Variants in TRIM49 observed in about 807,000 individuals in gnomAD.
TRIM49 encodes tripartite motif containing 49, also known as tripartite motif-containing protein 49.
Under a neutral mutation model 27.4 loss-of-function variants are expected in TRIM49, and 5 were observed. The ratio of observed to expected loss-of-function variants is 0.18; its 90% CI spans 0.10 to 0.38. The LOEUF is 0.38. Ranked by LOEUF, TRIM49 falls within the 10% of genes least tolerant of loss-of-function variation. The pLI, the probability that TRIM49 is intolerant of heterozygous loss-of-function variation, is 1.00. For synonymous variants in TRIM49, 69 were observed against 166.0 expected, an observed-to-expected ratio of 0.42 and a Z score of 4.49; for missense variants, 188 against 487.5, an observed-to-expected ratio of 0.39 and a Z score of 5.79.
chr11:89,803,428 A>G (rs1174192031), intron 4 of TRIM49, among the ~76,000 whole-genome samples: 5 of 145,338 alleles, frequency 3.4e-5, no homozygotes, highest in African/African-American at 1.0e-4. Flanking sequence ...GAGATGGCCC[A>G]GTTTCTTGGA....
chr11:89,770,635 G>A, the TRIM49 span, among the ~76,000 whole-genome samples: 9 of 141,666 alleles, frequency 6.4e-5, no homozygotes, highest in African/African-American at 1.2e-4. Flanking sequence ...CGAGGTGGGC[G>A]GATCACGACG....
At chr11:89,770,016 A>C in the TRIM49 span, among the ~76,000 whole-genome samples, 3 of 135,294 alleles carry the variant, frequency 2.2e-5, 1 homozygote, top group Non-Finnish European at 4.5e-5. Flanking sequence ...TTCAGGGACA[A>C]GGAGAATGAG....
chr11:89,789,295 A>G, the TRIM49 span: 1 of 44,712 alleles, frequency 2.2e-5, no homozygotes, highest in South Asian at 6.8e-4. Flanking sequence ...TTTCCAAAAC[A>G]TGGGGCCTTG....
At chr11:89,791,101 A>C in the TRIM49 span, among the ~76,000 whole-genome samples, 1 of 150,816 alleles carries the variant, frequency 6.6e-6, no homozygotes, top group African/African-American at 2.5e-5. Flanking sequence ...TGATGAATGC[A>C]CAATCTTCAG....
the TRIM49 span, among the ~76,000 whole-genome samples, chr11:89,783,994 G>A: frequency 1.3e-4 from 19 of 141,708 alleles, 3 homozygotes; most frequent in Non-Finnish European, 1.9e-4. Context: ...TGGCTTTAAG[G>A]AAATCACCTG....
rs1283282011 is a variant in TRIM49, at chr11:89,803,544, A to G, written c.507+154T>C. The G allele has an allele frequency of 1.2e-5, 17 of 1,431,818 alleles. No individual in the cohort carries two copies. The South Asian group carries it at 1.8e-4, about 15-fold the overall frequency. 88.7% of individuals were successfully genotyped at this position (1,431,818 alleles called of 1,614,324 possible). ...ACCTAACAGGCATACTATTCTATAT[A>G]AAAATGAGGCCACTTTTTCTCAGTG... On this transcript the variant is annotated intron_variant, in intron 4 of 7. Coordinates refer to ENST00000329758, the MANE Select transcript of TRIM49 (RefSeq NM_020358.2).
the TRIM49 span, chr11:89,766,753 G>T: frequency 4.5e-5 from 66 of 1,465,538 alleles, 10 homozygotes; most frequent in Non-Finnish European, 5.7e-5. Flanking sequence ...TCTACATAGT[G>T]AGGAAACATT....
intron 5 of TRIM49, among the ~76,000 whole-genome samples, 171 bp from the exon 6 acceptor site, chr11:89,801,159 GT>G (rs1216411747): frequency 1.3e-5 from 2 of 150,168 alleles, no homozygotes; most frequent in African/African-American, 5.0e-5. Flanking sequence ...CAGTTGTATT[GT>G]TATTAATTAA....
At chr11:89,798,756 T>G in intron 7 of TRIM49, 127 bp from the exon 8 acceptor site, 3 of 1,293,838 alleles carry the variant, frequency 2.3e-6, no homozygotes, top group Non-Finnish European at 3.0e-6. Context: ...TAACTTCTAG[T>G]AAAGTATAGA....
intron 4 of TRIM49, among the ~76,000 whole-genome samples, chr11:89,802,597 A>G (rs1273254837): frequency 2.6e-5 from 4 of 151,008 alleles, no homozygotes; most frequent in African/African-American, 7.4e-5. Context: ...ATACATACAT[A>G]CATACATACA....
the TRIM49 span, chr11:89,768,871 C>T: frequency 2.8e-5 from 14 of 497,914 alleles, 2 homozygotes; most frequent in African/African-American, 1.1e-4. Context: ...AGAGAGAAAA[C>T]GACTCCTTTA....
the TRIM49 span, among the ~76,000 whole-genome samples, chr11:89,767,599 T>G: frequency 4.9e-5 from 6 of 123,538 alleles, 1 homozygote; most frequent in South Asian, 1.5e-3. Context: ...TCATGCCAGA[T>G]TCAGGCACAG....
At chr11:89,792,805 A>C (rs1479104779), downstream of TRIM49, among the ~76,000 whole-genome samples, 12 of 152,126 alleles carry the variant, frequency 7.9e-5, no homozygotes, top group Admixed American at 7.9e-4. Context: ...AAGATCCAAA[A>C]TTGACACCCT....
In TRIM49 at chr11:89,798,380, T is replaced by C; in HGVS notation, c.1109A>G (p.Lys370Arg). ...AAAGAGTCCCGCCTTTCCATCTATC[T>C]TCTCATTCTGATTCTTCTCTTTCCG... Reference protein sequence around the residue: ...MYRKEKNQNEKIDGKAGLFLL... With the variant: ...MYRKEKNQNERIDGKAGLFLL... Residue 370 changes from lysine to arginine, a missense_variant, in exon 8 of 8, where the codon AAG becomes AGG. By Grantham distance (26) the Lys-to-Arg change is conservative. This residue lies in a region of TRIM49 where 94 missense variants were observed against 149.6 expected (regional missense o/e 0.63). Coordinates refer to ENST00000329758, the MANE Select transcript of TRIM49 (RefSeq NM_020358.2). The C allele has an allele frequency of 6.3e-7, 1 of 1,597,168 alleles. No homozygotes were observed. Among genetic ancestry groups the C allele is most frequent in the South Asian group, 1.1e-5 (1 of 90,518 alleles).
At chr11:89,773,200 GTAA>G in the TRIM49 span, among the ~76,000 whole-genome samples, 1 of 133,846 alleles carries the variant, frequency 7.5e-6, no homozygotes, top group Admixed American at 7.0e-5. Context: ...CAAAAAAAAA[GTAA>G]TAATAATTAT....
Position 89,798,326 on chromosome 11 carries a change from T to C in TRIM49, c.1163A>G (p.Gln388Arg), listed in dbSNP as rs764290274. The change falls in exon 8 of 8, where the codon CAA becomes CGA. Residue 388 changes from glutamine (Q) to arginine (R), a missense_variant. Transcript: ENST00000329758. ...FLLGCVKNDI[Q>R]CSLFTTSPLM... ...TGGGGAGGTGGTAAAGAGACTGCAT[T>C]GAATGTCATTCTTAACACACCCAAG... The C allele has an allele frequency of 3.8e-5, 60 of 1,573,022 alleles. 8 individuals are homozygous for C. The highest frequency in any genetic ancestry group is 5.2e-5 in the Non-Finnish European group (60 of 1,163,496).
rs1565445348 is a variant in TRIM49, at chr11:89,798,514, A to G, written c.975T>C (p.Pro325=). The stretch of plus-strand genomic sequence containing the variant: ...GAACACCCCATGCAAGAAAACTTCT[A>G]GGTGTTGCAGTGAAATAGGGTACAT... ...HQDVPYFTAT[P]RSFLAWGVQT... is the part of the protein sequence containing the mutation. Residue 325 remains proline (P), a synonymous_variant, in exon 8 of 8, where the codon CCT becomes CCC. Coordinates refer to ENST00000329758, the MANE Select transcript of TRIM49 (RefSeq NM_020358.2). The G allele has an allele frequency of 1.3e-6, 2 of 1,591,964 alleles. No homozygotes were observed. The highest frequency in any genetic ancestry group is 1.7e-6 in the Non-Finnish European group (2 of 1,173,810).
chr11:89,766,837 A>C, the TRIM49 span: 5 of 1,329,974 alleles, frequency 3.8e-6, 1 homozygote, highest in East Asian at 4.9e-5. Context: ...TTAGATTTAA[A>C]CATTGTGCTA....
At chr11:89,793,031 A>T (rs1174175803), downstream of TRIM49, among the ~76,000 whole-genome samples, 9 of 152,106 alleles carry the variant, frequency 5.9e-5, 1 homozygote, top group African/African-American at 2.2e-4. Flanking sequence ...GAGAAGAATC[A>T]AATAGATGCA....
Sources: allele counts gnomAD v4.1 joint callset (sites outside exome capture counted in the v4.1 genomes callset), GRCh38; gene constraint gnomAD v4.1.1; regional missense constraint gnomAD v4.1.1; transcripts MANE v1.5; gene names NCBI Gene and HGNC (gene_info 2026-07-23, HGNC 2026-07-21).